The following CPNE5 variants were observed in gnomAD, a reference collection of about 807,000 sequenced individuals.
The protein encoded by CPNE5 is copine-5.
Under a neutral mutation model 81.1 loss-of-function variants are expected in CPNE5, and 42 were observed. The observed-to-expected ratio is 0.52, with a 90% CI of 0.40 to 0.67. The LOEUF (loss-of-function observed/expected upper bound fraction) is 0.67, where lower values mean the gene tolerates loss of function less well. Ranked by LOEUF, CPNE5 falls within the 30% of genes least tolerant of loss-of-function variation. The pLI is 0.00. For missense variants in CPNE5, 612 were observed against 815.5 expected (o/e 0.75, Z 3.04); for synonymous variants, 313 against 321.5 (o/e 0.97, Z 0.28).
chr6:36,778,877 G>A lies in CPNE5; in HGVS notation c.609C>T (p.Phe203=). 20 of 1,604,944 alleles carry A rather than the reference G, an allele frequency of 1.2e-5. No homozygotes were observed. Among genetic ancestry groups the A allele is most frequent in the Non-Finnish European group, 1.7e-5 (20 of 1,172,246 alleles). ...ACGTTCCATCCTCGTTGCTTCTGTA[G>A]AATACCAAGAAGGGGTCAGATTTCC... ...FFGKSDPFLV[F]YRSNEDGTFT... The change falls in exon 9 of 21, where the codon TTC becomes TTT. Residue 203 remains phenylalanine (F), a synonymous_variant. Transcript: ENST00000244751.
chr6:36,798,349 G>C, intron 5 of CPNE5, 106 bp downstream of exon 5: 1 of 1,501,922 alleles, frequency 6.7e-7, no homozygotes, highest in Admixed American at 1.7e-5. Context: ...TAAATGACAG[G>C]ACGCAGCGTC....
chr6:36,813,859 C>T (rs236388), intron 3 of CPNE5, among the ~76,000 whole-genome samples: 129,185 of 152,188 alleles, frequency 0.85, 55,421 homozygotes, highest in East Asian at 1. Context: ...TCTCCAAGGG[C>T]GGCCTCTCCC....
At chr6:36,758,443 C>A (rs1765703814) in intron 12 of CPNE5, among the ~76,000 whole-genome samples, 1 of 145,262 alleles carries the variant, frequency 6.9e-6, no homozygotes, top group African/African-American at 2.8e-5. Context: ...GAGATAGGAT[C>A]TCGCTATGTT....
At position 36,799,858 on chromosome 6, in the gene CPNE5, G is replaced by C. The variant is rs186543861; in HGVS notation, c.287+109C>G. 168 of 776,346 alleles carry C rather than the reference G, an allele frequency of 2.2e-4. 1 individual carries two copies. In the East Asian group the frequency reaches 2.7e-3, roughly 13 times the overall value. The allele number at this position is 776,346 out of a possible 1,614,324, so 48.1% of individuals were successfully genotyped here. A position where few individuals can be genotyped will look rare whatever the true frequency, so the allele number is the denominator to read the frequency against. On this transcript the variant is annotated intron_variant, in intron 4 of 20. Transcript: ENST00000244751. ...GTCACTTCTATCCCAGGCCAACCCT[G>C]GGCTCCCACTAATTTCTCAGCTCCT...
chr6:36,792,551 G>A (rs1038721657), intron 7 of CPNE5: 71 of 499,592 alleles, frequency 1.4e-4, no homozygotes, highest in African/African-American at 1.2e-3. Flanking sequence ...TGTCACGGGA[G>A]GGAGGAAGGC....
At chr6:36,821,428 C>T (rs889517019) in intron 3 of CPNE5, among the ~76,000 whole-genome samples, 1 of 152,046 alleles carries the variant, frequency 6.6e-6, no homozygotes, top group Non-Finnish European at 1.5e-5. Context: ...CCTCTGGCCG[C>T]GGGGTGAGGA....
chr6:36,758,136 C>T (rs1006616002), intron 12 of CPNE5, among the ~76,000 whole-genome samples: 3 of 152,170 alleles, frequency 2.0e-5, no homozygotes, highest in African/African-American at 4.8e-5. Context: ...AGGCAGGTTA[C>T]TTAACCTCAA....
intron 3 of CPNE5, among the ~76,000 whole-genome samples, chr6:36,813,850 C>T (rs1001690721): frequency 6.6e-6 from 1 of 152,206 alleles, no homozygotes; most frequent in Non-Finnish European, 1.5e-5. Flanking sequence ...TTCACAGGAT[C>T]TCCAAGGGCG....
intron 20 of CPNE5, 63 bp from the exon 21 acceptor site, chr6:36,742,549 C>T (rs1763658958): frequency 1.2e-5 from 19 of 1,569,662 alleles, no homozygotes; most frequent in Non-Finnish European, 1.6e-5. Flanking sequence ...CCAAAATCTC[C>T]AGGCCTGGGG....
Position 36,798,151 on chromosome 6 carries a change from A to G in CPNE5, c.404+14T>C. 1 of 1,610,870 alleles carries G rather than the reference A, an allele frequency of 6.2e-7. No individual in the cohort carries two copies. Among genetic ancestry groups the G allele is most frequent in the Non-Finnish European group, 8.5e-7 (1 of 1,177,878 alleles). On this transcript the variant is annotated intron_variant, in intron 6 of 20. Coordinates refer to ENST00000244751, the MANE Select transcript of CPNE5 (RefSeq NM_020939.2). ...AAGTTGGCCTACCACTGGGAAAGCA[A>G]CCCAGACACTCACGTGAGGGGCTTT...
At chr6:36,834,942 G>A (rs1773342860) in intron 1 of CPNE5, among the ~76,000 whole-genome samples, 1 of 152,132 alleles carries the variant, frequency 6.6e-6, no homozygotes, top group Non-Finnish European at 1.5e-5. Context: ...AGAGACCCAG[G>A]GCACAGCTCC....
intron 10 of CPNE5, among the ~76,000 whole-genome samples, chr6:36,769,475 C>A (rs73730188): frequency 0.016 from 2,403 of 152,370 alleles, 46 homozygotes; most frequent in African/African-American, 0.045. Context: ...AGTTTCCTCC[C>A]AGCTGAGCTG....
In CPNE5 at chr6:36,742,414, C is replaced by T. The variant is rs1186376904; in HGVS notation, c.1636G>A (p.Val546Met). The T allele has an allele frequency of 5.0e-6, 8 of 1,613,740 alleles. No individual in the cohort carries two copies. Among genetic ancestry groups the T allele is most frequent in the East Asian group, 2.2e-5 (1 of 44,876 alleles). ...VLSMARLARD[V>M]LAEIPDQLVS... ...AGTTGGTCAGGGATCTCTGCCAGCA[C>T]GTCTCGGGCCAGGCGGGCCATGCTC... The change falls in exon 21 of 21, where the codon GTG becomes ATG. Residue 546 changes from valine (V) to methionine (M), a missense_variant. Transcript: ENST00000244751.
At chr6:36,796,361 A>G (rs905152587) in intron 6 of CPNE5, among the ~76,000 whole-genome samples, 2 of 152,172 alleles carry the variant, frequency 1.3e-5, no homozygotes, top group East Asian at 1.9e-4. Flanking sequence ...CCTGTCACCA[A>G]CGGTGGACCA....
chr6:36,765,056 C>T (rs1454284901), intron 11 of CPNE5, among the ~76,000 whole-genome samples: 1 of 152,206 alleles, frequency 6.6e-6, no homozygotes, highest in Non-Finnish European at 1.5e-5. Context: ...TACTGGCGGG[C>T]CCCTGGGCAG....
rs761737542 is a variant in CPNE5 at position 36,745,121 on chromosome 6, T to C, written c.1358A>G (p.Gln453Arg). The C allele has an allele frequency of 6.2e-7, 1 of 1,613,912 alleles. No individual in the cohort carries two copies. Residue 453 changes from glutamine to arginine, a missense_variant, in exon 18 of 21, where the codon CAG becomes CGG. Physicochemically the swap from Gln to Arg is conservative, Grantham distance 43. Transcript: ENST00000244751. Reference protein sequence around the residue: ...RNAAAVQDGSQYSVLLIITDG... With the variant: ...RNAAAVQDGSRYSVLLIITDG... ...AGTAATGATGAGCAGCACCGAGTAC[T>C]GGGAGCCATCCTGCACGGCCGCTGC...
At chr6:36,796,569 G>A (rs1769598696) in intron 6 of CPNE5, among the ~76,000 whole-genome samples, 1 of 152,236 alleles carries the variant, frequency 6.6e-6, no homozygotes, top group South Asian at 2.1e-4. Context: ...ACACTGAAGT[G>A]GGCACAGGGG....
At chr6:36,799,811 G>T (rs1347569102) in intron 4 of CPNE5, among the ~76,000 whole-genome samples, 156 bp downstream of exon 4, 1 of 152,116 alleles carries the variant, frequency 6.6e-6, no homozygotes. Context: ...CCTGGTAAGG[G>T]TGCAGGCGAC....
rs1053517849 is a variant in CPNE5 at position 36,823,150 on chromosome 6, A to G, written c.96-52T>C. 4.9e-6 allele frequency: 7 copies of G among 1,441,802 alleles called. No homozygotes were observed. In the African/African-American group the frequency reaches 1.0e-4, roughly 21 times the overall value. 89.3% of individuals were successfully genotyped at this position (1,441,802 alleles called of 1,614,324 possible). A position where few individuals can be genotyped will look rare whatever the true frequency, so the allele number is the denominator to read the frequency against. Reference sequence around the variant, plus strand: ...TAGCACGGCCAGCTGAGAGGAGGCGACCTCAGGGGATTCAGGCTGTTACCG... The same window carrying G: ...TAGCACGGCCAGCTGAGAGGAGGCGGCCTCAGGGGATTCAGGCTGTTACCG... On this transcript the variant is annotated intron_variant, in intron 1 of 20. Coordinates refer to ENST00000244751, the MANE Select transcript of CPNE5 (RefSeq NM_020939.2).
Sources: allele counts gnomAD v4.1 joint callset (sites outside exome capture counted in the v4.1 genomes callset), GRCh38; gene constraint gnomAD v4.1.1; transcripts MANE v1.5; gene names NCBI Gene and HGNC (gene_info 2026-07-23, HGNC 2026-07-21).